ST3GAL6: variants seen among roughly 807,000 people sequenced by gnomAD.
ST3GAL6 encodes the protein ST3 beta-galactoside alpha-2,3-sialyltransferase 6.
Under a neutral mutation model 40.5 loss-of-function variants are expected in ST3GAL6, and 31 were observed. The observed-to-expected ratio is 0.77, with a 90% CI of 0.58 to 1.03. The LOEUF is 1.03. Ranked by LOEUF, ST3GAL6 falls within the 50% of genes least tolerant of loss-of-function variation. The probability of loss-of-function intolerance (pLI) is 0.00; values close to 1 mark genes in which losing one functional copy is unlikely to be tolerated. For missense variants in ST3GAL6, 357 were observed against 393.2 expected (o/e 0.91, Z 0.78); for synonymous variants, 129 against 136.9 (o/e 0.94, Z 0.40).
chr3:98,738,800 C>G (rs969548364), intron 1 of ST3GAL6, among the ~76,000 whole-genome samples: 1 of 152,154 alleles, frequency 6.6e-6, no homozygotes, highest in South Asian at 2.1e-4. Flanking sequence ...GACAGATAAT[C>G]AAGGCCAAAA....
At position 98,788,360 on chromosome 3, in the gene ST3GAL6, A is replaced by T; in HGVS notation, c.653A>T (p.Asn218Ile). The T allele has an allele frequency of 6.2e-7, 1 of 1,613,252 alleles. No homozygotes were observed. Among genetic ancestry groups the T allele is most frequent in the Non-Finnish European group, 8.5e-7 (1 of 1,179,708 alleles). ...TNGFWKKPAL[N>I]LIYKPYQIRI... Reference sequence around the variant, plus strand: ...GGTTTTTGGAAGAAACCAGCCTTAAACCTGATTTATAAACCTTATCAAATC... The same window carrying T: ...GGTTTTTGGAAGAAACCAGCCTTAATCCTGATTTATAAACCTTATCAAATC... Residue 218 changes from asparagine (N) to isoleucine (I), a missense_variant, in exon 8 of 10, where the codon AAC becomes ATC. Asn to Ile is a moderately radical substitution (Grantham distance 149). Coordinates refer to ENST00000483910, the MANE Select transcript of ST3GAL6 (RefSeq NM_001323368.2).
intron 3 of ST3GAL6, among the ~76,000 whole-genome samples, chr3:98,771,973 T>C (rs1451198934): frequency 6.6e-6 from 1 of 152,190 alleles, no homozygotes; most frequent in African/African-American, 2.4e-5. Flanking sequence ...ATTCACTTTT[T>C]AAAAAGATGC....
At chr3:98,746,422 C>G (rs1016776716) in intron 1 of ST3GAL6, among the ~76,000 whole-genome samples, 8 of 151,862 alleles carry the variant, frequency 5.3e-5, no homozygotes, top group Admixed American at 2.0e-4. Context: ...TTTTAATTTA[C>G]CTTCTTGGGG....
intron 5 of ST3GAL6, among the ~76,000 whole-genome samples, chr3:98,776,914 G>A (rs965830236): frequency 2.0e-5 from 3 of 152,154 alleles, no homozygotes; most frequent in Non-Finnish European, 4.4e-5. Flanking sequence ...CTGTGAATGG[G>A]AAAACTCAAA....
chr3:98,744,152 A>G (rs1014372174), intron 1 of ST3GAL6, among the ~76,000 whole-genome samples: 1 of 152,200 alleles, frequency 6.6e-6, no homozygotes, highest in African/African-American at 2.4e-5. Flanking sequence ...GGCAGAGCCA[A>G]AGCTAGGAAG....
rs1018619965 is a variant in ST3GAL6 at position 98,782,490 on chromosome 3, A to G, written c.336-2455A>G. 122 of 610,128 alleles carry G rather than the reference A, an allele frequency of 2.0e-4. No homozygotes were observed. The African/African-American group carries it at 2.1e-3, about 10-fold the overall frequency. The allele number at this position is 610,128 out of a possible 1,614,324, so 37.8% of individuals were successfully genotyped here. A position where few individuals can be genotyped will look rare whatever the true frequency, so the allele number is the denominator to read the frequency against. ...GGAGAAAAGGAAGTGTCATCCATACAAGATGAATTTACACTCTGAACCCCA... is the reference window on the plus strand; with the variant it reads ...GGAGAAAAGGAAGTGTCATCCATACGAGATGAATTTACACTCTGAACCCCA... On this transcript the variant is annotated intron_variant, in intron 5 of 9. Coordinates refer to ENST00000483910, the MANE Select transcript of ST3GAL6 (RefSeq NM_001323368.2).
At chr3:98,743,023 T>G (rs1295357377) in intron 1 of ST3GAL6, among the ~76,000 whole-genome samples, 1 of 148,304 alleles carries the variant, frequency 6.7e-6, no homozygotes, top group Admixed American at 6.7e-5. Context: ...TTTTTTTTTT[T>G]TCTGAGACAA....
intron 5 of ST3GAL6, among the ~76,000 whole-genome samples, chr3:98,775,575 T>A (rs1466277907): frequency 6.6e-6 from 1 of 152,250 alleles, no homozygotes; most frequent in African/African-American, 2.4e-5. Flanking sequence ...GTCAGGATTC[T>A]GGAGGCTATA....
At chr3:98,732,477 T>C in exon 1 of ST3GAL6, 1 of 186,828 alleles carries the variant, frequency 5.4e-6, no homozygotes, top group Non-Finnish European at 1.1e-5. Flanking sequence ...TCGCGGTGAT[T>C]TTCCGGTCCC....
intron 1 of ST3GAL6, among the ~76,000 whole-genome samples, chr3:98,753,732 G>T (rs550665746): frequency 2.0e-5 from 3 of 152,224 alleles, no homozygotes; most frequent in Non-Finnish European, 4.4e-5. Context: ...GGGAGGCCAA[G>T]GCAGGAGGAT....
intron 1 of ST3GAL6, among the ~76,000 whole-genome samples, chr3:98,766,543 C>A (rs1031947222): frequency 6.6e-6 from 1 of 150,824 alleles, no homozygotes; most frequent in Non-Finnish European, 1.5e-5. Context: ...GCCTTAGCCT[C>A]CTGAATGGGT....
At chr3:98,790,100 A>G (rs1049344040) in intron 8 of ST3GAL6, among the ~76,000 whole-genome samples, 5 of 152,200 alleles carry the variant, frequency 3.3e-5, no homozygotes, top group Non-Finnish European at 5.9e-5. Flanking sequence ...GCAGCAACAA[A>G]TCTTTAGTGG....
At chr3:98,743,533 A>G (rs1936297051) in intron 1 of ST3GAL6, among the ~76,000 whole-genome samples, 2 of 152,096 alleles carry the variant, frequency 1.3e-5, no homozygotes, top group South Asian at 4.1e-4. Flanking sequence ...GGATAGCTCC[A>G]TCTTCTCTAA....
At chr3:98,750,079 A>G (rs1189164284) in intron 1 of ST3GAL6, among the ~76,000 whole-genome samples, 2 of 152,212 alleles carry the variant, frequency 1.3e-5, no homozygotes, top group African/African-American at 4.8e-5. Flanking sequence ...TTTTTTTAAC[A>G]GAAATCCCTG....
At chr3:98,792,294 C>A (rs983371919) in intron 9 of ST3GAL6, among the ~76,000 whole-genome samples, 2 of 152,106 alleles carry the variant, frequency 1.3e-5, no homozygotes, top group Admixed American at 6.5e-5. Context: ...ATTCAGGCAA[C>A]CTGCTGTGTT....
At chr3:98,775,071 A>T (rs2107226269) in intron 5 of ST3GAL6, among the ~76,000 whole-genome samples, 1 of 152,266 alleles carries the variant, frequency 6.6e-6, no homozygotes, top group Non-Finnish European at 1.5e-5. Flanking sequence ...CTAATTCTGT[A>T]AGTTTCTGGA....
intron 1 of ST3GAL6, among the ~76,000 whole-genome samples, chr3:98,741,606 C>T (rs1300669085): frequency 6.6e-6 from 1 of 151,986 alleles, no homozygotes; most frequent in East Asian, 1.9e-4. Flanking sequence ...GCAGGACAGG[C>T]CGTAGGAGCC....
At chr3:98,742,272 A>G (rs1401873589) in intron 1 of ST3GAL6, among the ~76,000 whole-genome samples, 1 of 152,172 alleles carries the variant, frequency 6.6e-6, no homozygotes, top group African/African-American at 2.4e-5. Flanking sequence ...TTACATTTTT[A>G]CTCCAAAAAT....
At chr3:98,743,000 C>CTTTTTTTTTTTTT (rs71120599) in intron 1 of ST3GAL6, among the ~76,000 whole-genome samples, 1 of 89,484 alleles carries the variant, frequency 1.1e-5, no homozygotes. Context: ...ATGCCAGGCT[C>CTTTTTTTTTTTTT]TTTTTTTTTT....
Sources: gnomAD v4.1 joint callset for allele counts (sites outside exome capture counted in the v4.1 genomes callset) on GRCh38, gnomAD v4.1.1 for gene constraint, MANE v1.5 for transcripts, NCBI Gene and HGNC (gene_info 2026-07-23, HGNC 2026-07-21) for gene names.